PLCL2: variants seen among roughly 807,000 people sequenced by gnomAD.
PLCL2 encodes inactive phospholipase C-like protein 2.
In PLCL2, 4 loss-of-function variants were observed where a neutral mutation model predicts 79.6. The observed-to-expected ratio is 0.05, with a 90% CI of 0.02 to 0.11. The LOEUF is 0.11. PLCL2 is among the 10% of genes least tolerant of loss of function. The pLI is 1.00. For synonymous variants in PLCL2, 484 were observed against 457.7 expected, an observed-to-expected ratio of 1.06 and a Z score of -0.73; for missense variants, 895 against 1,291.0, an observed-to-expected ratio of 0.69 and a Z score of 4.70.
At chr3:16,922,580 A>G (rs1697148289) in intron 1 of PLCL2, among the ~76,000 whole-genome samples, 1 of 152,210 alleles carries the variant, frequency 6.6e-6, no homozygotes, top group African/African-American at 2.4e-5. Context: ...GAGGGCTTAG[A>G]AACAATATTA....
intron 5 of PLCL2, among the ~76,000 whole-genome samples, chr3:17,078,478 A>G (rs936015787): frequency 1.3e-5 from 2 of 151,738 alleles, no homozygotes; most frequent in Admixed American, 6.6e-5. Flanking sequence ...TAGCATCTAT[A>G]TCGTATCTTG....
intron 5 of PLCL2, among the ~76,000 whole-genome samples, chr3:17,083,541 G>C (rs2065185259): frequency 6.6e-6 from 1 of 152,206 alleles, no homozygotes; most frequent in South Asian, 2.1e-4. Flanking sequence ...GAGGGAAAGG[G>C]ATGTCCTGTG....
intron 4 of PLCL2, among the ~76,000 whole-genome samples, chr3:17,051,918 G>T (rs1221501691): frequency 6.6e-6 from 1 of 152,010 alleles, no homozygotes; most frequent in Non-Finnish European, 1.5e-5. Flanking sequence ...GCCATGAAAT[G>T]GTCTCTTTTC....
chr3:17,028,834 C>T (rs1218939154), intron 3 of PLCL2, among the ~76,000 whole-genome samples: 1 of 152,136 alleles, frequency 6.6e-6, no homozygotes, highest in African/African-American at 2.4e-5. Flanking sequence ...TCCTATGCAA[C>T]ATTGCGTTCT....
chr3:17,016,945 AG>A (rs1270075806), intron 3 of PLCL2, among the ~76,000 whole-genome samples: 1 of 152,194 alleles, frequency 6.6e-6, no homozygotes, highest in Non-Finnish European at 1.5e-5. Flanking sequence ...GTGGGGTGGT[AG>A]TACCCCGTGG....
At chr3:17,044,981 A>T (rs368912211) in intron 4 of PLCL2, among the ~76,000 whole-genome samples, 1 of 152,332 alleles carries the variant, frequency 6.6e-6, no homozygotes, top group East Asian at 1.9e-4. Flanking sequence ...GATCTTTAGA[A>T]GCGTGTAAAG....
At chr3:17,028,836 T>C (rs1317745025) in intron 3 of PLCL2, among the ~76,000 whole-genome samples, 3 of 152,244 alleles carry the variant, frequency 2.0e-5, no homozygotes, top group East Asian at 3.9e-4. Context: ...CTATGCAACA[T>C]TGCGTTCTCA....
chr3:16,964,298 C>T (rs903783241), intron 1 of PLCL2, among the ~76,000 whole-genome samples: 8 of 151,032 alleles, frequency 5.3e-5, no homozygotes, highest in Non-Finnish European at 1.2e-4. Context: ...GCGATAGTTT[C>T]CTGAGAATGA....
intron 4 of PLCL2, among the ~76,000 whole-genome samples, chr3:17,062,776 G>A (rs2064965286): frequency 6.6e-6 from 1 of 152,148 alleles, no homozygotes; most frequent in East Asian, 1.9e-4. Context: ...TGCAGGGAAT[G>A]GAACTTGTTT....
At chr3:16,985,922 C>T (rs538811631) in intron 1 of PLCL2, among the ~76,000 whole-genome samples, 3 of 152,116 alleles carry the variant, frequency 2.0e-5, no homozygotes, top group East Asian at 3.9e-4. Context: ...TTGGAGATAC[C>T]AGGAGGAAGA....
intron 4 of PLCL2, among the ~76,000 whole-genome samples, chr3:17,051,184 G>T (rs1452368785): frequency 6.6e-6 from 1 of 152,064 alleles, no homozygotes; most frequent in African/African-American, 2.4e-5. Context: ...AGGTGGGGAT[G>T]GTTAATGCGT....
chr3:16,950,148 C>T (rs2063637655), intron 1 of PLCL2, among the ~76,000 whole-genome samples: 1 of 152,124 alleles, frequency 6.6e-6, no homozygotes, highest in Non-Finnish European at 1.5e-5. Context: ...CCTTTTTTGG[C>T]ATCAACCTCT....
At chr3:16,978,685 C>T (rs1180282231) in intron 1 of PLCL2, among the ~76,000 whole-genome samples, 1 of 152,182 alleles carries the variant, frequency 6.6e-6, no homozygotes, top group Non-Finnish European at 1.5e-5. Flanking sequence ...CTTACAAGCT[C>T]ATTAGTTTTC....
chr3:17,034,693 G>C (rs1480429838), intron 3 of PLCL2, among the ~76,000 whole-genome samples: 2 of 152,178 alleles, frequency 1.3e-5, no homozygotes, highest in East Asian at 3.8e-4. Context: ...TGAGAAGTTT[G>C]ATGACGTTTT....
chr3:16,939,708 T>C (rs1697631870), intron 1 of PLCL2, among the ~76,000 whole-genome samples: 2 of 152,346 alleles, frequency 1.3e-5, no homozygotes, highest in Admixed American at 1.3e-4. Flanking sequence ...CCTCTGAATA[T>C]ACAAAAATCC....
chr3:17,008,902 C>G (rs1417695728), intron 1 of PLCL2, among the ~76,000 whole-genome samples: 1 of 152,122 alleles, frequency 6.6e-6, no homozygotes, highest in Non-Finnish European at 1.5e-5. Context: ...ATTGCAGCCT[C>G]AATCTCCTGG....
chr3:16,992,966 C>G (rs1559511026), intron 1 of PLCL2, among the ~76,000 whole-genome samples: 1 of 152,148 alleles, frequency 6.6e-6, no homozygotes, highest in African/African-American at 2.4e-5. Flanking sequence ...AGCATGGACT[C>G]CCAGACTGGA....
Position 17,055,235 on chromosome 3 carries a change from T to G in PLCL2, c.3094+12286T>G, listed in dbSNP as rs536726032. On this transcript the variant is annotated intron_variant, in intron 4 of 5. Transcript: ENST00000615277. ...CCACAGCATCTTTTCTCTTAAAGAC[T>G]GGATATTGAACCACCACATCTTCTT... Among the ~76,000 whole-genome samples, 6 of 152,328 alleles carry G rather than the reference T, an allele frequency of 3.9e-5. No homozygotes were observed. In the South Asian group the frequency reaches 1.2e-3, roughly 32 times the overall value.
At chr3:17,035,164 T>G (rs1042148425) in intron 3 of PLCL2, among the ~76,000 whole-genome samples, 2 of 152,214 alleles carry the variant, frequency 1.3e-5, no homozygotes, top group Non-Finnish European at 1.5e-5. Context: ...TCACATAATT[T>G]CCGGTTGTAC....
Sources: gnomAD v4.1 joint callset for allele counts (sites outside exome capture counted in the v4.1 genomes callset) on GRCh38, gnomAD v4.1.1 for gene constraint, MANE v1.5 for transcripts, NCBI Gene and HGNC (gene_info 2026-07-23, HGNC 2026-07-21) for gene names.